The following RBFOX1 variants were observed in gnomAD, a reference collection of about 807,000 sequenced individuals.
RBFOX1 encodes RNA binding protein fox-1 homolog 1.
In RBFOX1, 8 loss-of-function variants were observed where a neutral mutation model predicts 57.7. That is an observed-to-expected ratio of 0.14 (90% CI 0.08 to 0.25). The LOEUF is 0.25. Among genes scored for constraint, RBFOX1 ranks in the 10% least tolerant of loss-of-function variants. The pLI, the probability that RBFOX1 is intolerant of heterozygous loss-of-function variation, is 1.00. For synonymous variants in RBFOX1, 326 were observed against 222.4 expected (o/e 1.47, Z -4.15); for missense variants, 611 against 548.5 (o/e 1.11, Z -1.14).
At chr16:7,663,146 T>A (rs1183814372) in intron 12 of RBFOX1, among the ~76,000 whole-genome samples, 2 of 152,240 alleles carry the variant, frequency 1.3e-5, no homozygotes, top group African/African-American at 4.8e-5. Flanking sequence ...TCCCTCTCTT[T>A]CATCAGACCT....
intron 3 of RBFOX1, among the ~76,000 whole-genome samples, chr16:5,757,239 T>G (rs1164267445): frequency 4.0e-5 from 6 of 150,044 alleles, no homozygotes; most frequent in Non-Finnish European, 8.9e-5. Flanking sequence ...GTGTTTTTTT[T>G]TTTTTTTTTT....
intron 3 of RBFOX1, among the ~76,000 whole-genome samples, chr16:6,835,145 C>T (rs1320814559): frequency 6.6e-6 from 1 of 152,056 alleles, no homozygotes; most frequent in Non-Finnish European, 1.5e-5. Context: ...CTGTGATCTG[C>T]CCACCTCGGC....
chr16:7,411,987 A>T (rs1398452324), intron 4 of RBFOX1, among the ~76,000 whole-genome samples: 6 of 151,892 alleles, frequency 4.0e-5, no homozygotes, highest in African/African-American at 1.5e-4. Flanking sequence ...GGCCGCCCAG[A>T]TGCCATGTGG....
Position 6,457,446 on chromosome 16 carries a change from C to CCCCG in RBFOX1, c.-64+140391_-64+140392insCGCC, listed in dbSNP as rs764092740. On this transcript the variant is annotated intron_variant, in intron 2 of 15. Transcript: ENST00000550418. The stretch of plus-strand genomic sequence containing the variant: ...CTGTGAATTTCCGGAAGTCCCCCCC[C>CCCCG]CCGCAATAGCTTTGATTTGACATGG... Among the ~76,000 whole-genome samples the CCCCG allele has an allele frequency of 9.1e-5, 12 of 131,844 alleles. No individual in the cohort carries two copies. In the East Asian group the frequency reaches 1.0e-3, roughly 11 times the overall value. 86.5% of individuals were successfully genotyped at this position (131,844 alleles called of 152,430 possible).
chr16:7,296,360 A>G (rs1414670265), intron 4 of RBFOX1, among the ~76,000 whole-genome samples: 1 of 151,096 alleles, frequency 6.6e-6, no homozygotes, highest in East Asian at 2.0e-4. Context: ...GTATGTATGA[A>G]TGTACTACCT....
chr16:7,642,796 C>T (rs1021912190), intron 11 of RBFOX1, among the ~76,000 whole-genome samples: 1 of 152,088 alleles, frequency 6.6e-6, no homozygotes, highest in Non-Finnish European at 1.5e-5. Flanking sequence ...AAATAAATCT[C>T]AGCTCTTCAG....
intron 10 of RBFOX1, among the ~76,000 whole-genome samples, chr16:7,608,377 G>A (rs578128317): frequency 1.4e-3 from 217 of 152,316 alleles, no homozygotes; most frequent in Middle Eastern, 3.4e-3. Context: ...GGTAAATCTG[G>A]AAAGGCTCAA....
intron 2 of RBFOX1, among the ~76,000 whole-genome samples, chr16:6,496,040 C>T (rs531556525): frequency 6.6e-6 from 1 of 152,052 alleles, no homozygotes; most frequent in Non-Finnish European, 1.5e-5. Context: ...ATGTGGAAGA[C>T]AAGAACAAGC....
At chr16:6,274,233 A>G (rs2075547100) in intron 1 of RBFOX1, among the ~76,000 whole-genome samples, 1 of 152,208 alleles carries the variant, frequency 6.6e-6, no homozygotes, top group Non-Finnish European at 1.5e-5. Context: ...ACATGTTCAC[A>G]CAAAACCTGT....
In RBFOX1 at chr16:6,233,439, C is replaced by G. The variant is rs1332116082; in HGVS notation, c.-126-83556C>G. 2.0e-5 allele frequency among the ~76,000 whole-genome samples: 3 copies of G among 152,180 alleles called. No individual in the cohort carries two copies. The East Asian group carries it at 5.8e-4, about 30-fold the overall frequency. On this transcript the variant is annotated intron_variant, in intron 1 of 15. Transcript: ENST00000550418. ...CTCGTCCCCACCTCCACACCGCAAC[C>G]CAAACAGCCTGATTATATTACCCCA...
At chr16:6,473,916 C>G (rs1846509929) in intron 2 of RBFOX1, among the ~76,000 whole-genome samples, 1 of 152,272 alleles carries the variant, frequency 6.6e-6, no homozygotes, top group African/African-American at 2.4e-5. Flanking sequence ...AGTTACGAAT[C>G]TAGTCCTGAT....
intron 1 of RBFOX1, among the ~76,000 whole-genome samples, chr16:5,373,481 C>G (rs566010031): frequency 2.0e-5 from 3 of 152,254 alleles, no homozygotes; most frequent in African/African-American, 7.2e-5. Flanking sequence ...TCTTCCTCCT[C>G]CTCTGCCCAT....
intron 2 of RBFOX1, among the ~76,000 whole-genome samples, chr16:6,512,400 G>C (rs189997995): frequency 1.2e-3 from 190 of 152,094 alleles, no homozygotes; most frequent in Non-Finnish European, 2.1e-3. Flanking sequence ...TCAAGCCTCG[G>C]GTAGGATAGG....
At chr16:5,557,354 A>G (rs2045719183) in intron 2 of RBFOX1, among the ~76,000 whole-genome samples, 1 of 152,122 alleles carries the variant, frequency 6.6e-6, no homozygotes, top group African/African-American at 2.4e-5. Flanking sequence ...GGCACTGTGC[A>G]AGGCAGACAT....
chr16:6,248,434 G>T (rs573930000), intron 1 of RBFOX1, among the ~76,000 whole-genome samples: 1 of 152,226 alleles, frequency 6.6e-6, no homozygotes, highest in Non-Finnish European at 1.5e-5. Context: ...TTAGCCATGG[G>T]ACATGGGTAT....
intron 3 of RBFOX1, among the ~76,000 whole-genome samples, chr16:5,808,357 C>A (rs1418576806): frequency 6.6e-6 from 1 of 152,168 alleles, no homozygotes. Context: ...TAGCTTGATG[C>A]CTCCAGCTAT....
At chr16:5,851,990 T>C (rs12162032) in intron 3 of RBFOX1, among the ~76,000 whole-genome samples, 6,302 of 152,212 alleles carry the variant, frequency 0.041, 224 homozygotes, top group East Asian at 0.2. Flanking sequence ...GTTAGGGCTG[T>C]TTCCCTTCTC....
intron 2 of RBFOX1, among the ~76,000 whole-genome samples, chr16:5,528,836 G>A (rs1228884037): frequency 6.6e-6 from 1 of 151,988 alleles, no homozygotes; most frequent in Non-Finnish European, 1.5e-5. Context: ...TTTTAGTAAA[G>A]GTGAGGTTTC....
rs981300150 is a variant in RBFOX1 at position 5,909,323 on chromosome 16, A to G, written c.351+41988A>G. ...TAGCCAGGATGGTCTCGATCTCTGG[A>G]CCTCATCATCCGCATGCCTTGGCCT... On this transcript the variant is annotated intron_variant, in intron 4 of 19. Coordinates refer to the RBFOX1 transcript ENST00000641259. Among the ~76,000 whole-genome samples the G allele has an allele frequency of 2.0e-5, 3 of 151,920 alleles. No individual in the cohort carries two copies. In the South Asian group the frequency reaches 6.2e-4, roughly 32 times the overall value.
Sources: gnomAD v4.1 joint callset for allele counts (sites outside exome capture counted in the v4.1 genomes callset) on GRCh38, gnomAD v4.1.1 for gene constraint, MANE v1.5 for transcripts, NCBI Gene and HGNC (gene_info 2026-07-23, HGNC 2026-07-21) for gene names.